ZFHX3: variants seen among roughly 807,000 people sequenced by gnomAD.
ZFHX3 encodes the protein zinc finger homeobox protein 3.
ZFHX3 carries 42 observed loss-of-function variants against 279.1 expected under a neutral mutation model. The ratio of observed to expected loss-of-function variants is 0.15; its 90% confidence interval spans 0.12 to 0.19. The LOEUF (loss-of-function observed/expected upper bound fraction) is 0.19, where lower values mean the gene tolerates loss of function less well. Among genes scored for constraint, ZFHX3 ranks in the 10% least tolerant of loss-of-function variants. The pLI, the probability that ZFHX3 is intolerant of heterozygous loss-of-function variation, is 1.00. For missense variants in ZFHX3, 4,981 were observed against 4,754.0 expected (o/e 1.05, Z -1.40); for synonymous variants, 2,293 against 1,957.8 (o/e 1.17, Z -4.52).
At position 73,627,741 on chromosome 16, in the gene ZFHX3, AC is replaced by A. The variant is rs761212237; in HGVS notation, c.-1547+52438del. 1.2e-4 allele frequency among the ~76,000 whole-genome samples: 18 copies of A among 152,234 alleles called. No individual in the cohort carries two copies. In the South Asian group the frequency reaches 2.9e-3, roughly 25 times the overall value. ...AGACTATCCTGGCTAACATGGTGAA[AC>A]CCTGTCTCTACTAAAAAACACAAAA... On this transcript the variant is annotated intron_variant, in intron 2 of 17. Coordinates refer to the ZFHX3 transcript ENST00000641206.
intron 3 of ZFHX3, among the ~76,000 whole-genome samples, chr16:73,440,818 AC>A (rs1232166523): frequency 6.6e-6 from 1 of 152,214 alleles, no homozygotes; most frequent in Non-Finnish European, 1.5e-5. Flanking sequence ...GTGTATAAAC[AC>A]CACCACTCTG....
At chr16:73,424,812 T>C (rs1313939752) in intron 3 of ZFHX3, among the ~76,000 whole-genome samples, 1 of 149,206 alleles carries the variant, frequency 6.7e-6, no homozygotes, top group African/African-American at 2.5e-5. Flanking sequence ...TAGTATGAAC[T>C]ACTGACTTAA....
intron 7 of ZFHX3, among the ~76,000 whole-genome samples, chr16:72,808,853 G>A (rs1470041655): frequency 6.6e-6 from 1 of 152,212 alleles, no homozygotes; most frequent in East Asian, 1.9e-4. Flanking sequence ...ACTTGACGGA[G>A]GGTCAGTAAC....
chr16:73,846,069 A>T (rs1179787686), intron 1 of ZFHX3, among the ~76,000 whole-genome samples: 1 of 152,172 alleles, frequency 6.6e-6, no homozygotes, highest in Non-Finnish European at 1.5e-5. Flanking sequence ...AAGTGCTGGG[A>T]TTGCAGGCAT....
chr16:73,155,716 G>C (rs191959055), intron 5 of ZFHX3, among the ~76,000 whole-genome samples: 3 of 151,990 alleles, frequency 2.0e-5, no homozygotes, highest in African/African-American at 7.2e-5. Context: ...CCAGCTACTC[G>C]GGAGGCTGAG....
At chr16:73,756,071 T>A (rs770842440) in intron 1 of ZFHX3, among the ~76,000 whole-genome samples, 1 of 152,114 alleles carries the variant, frequency 6.6e-6, no homozygotes, top group Non-Finnish European at 1.5e-5. Context: ...TGGCTGACTT[T>A]CTTTTGTAAG....
At chr16:73,478,039 G>A (rs573924445) in intron 2 of ZFHX3, among the ~76,000 whole-genome samples, 43 of 152,116 alleles carry the variant, frequency 2.8e-4, no homozygotes, top group Admixed American at 7.9e-4. Context: ...TTGGGAGGCC[G>A]AGGCGGGCGG....
chr16:73,062,479 T>A (rs1198315226), upstream of ZFHX3, among the ~76,000 whole-genome samples: 1 of 152,114 alleles, frequency 6.6e-6, no homozygotes, highest in African/African-American at 2.4e-5. Flanking sequence ...AAATATAACA[T>A]AAAAAGGTTG....
chr16:73,150,911 C>T lies in ZFHX3; in HGVS notation c.-1103-7080G>A, dbSNP rs192469054. ...ATCACTGGCACAACTCAAGTGTGCG[C>T]GCAGATAAGAAACATGAATACAGTG... On this transcript the variant is annotated intron_variant, in intron 5 of 17. Coordinates refer to the ZFHX3 transcript ENST00000641206. Among the ~76,000 whole-genome samples, 3 of 152,098 alleles carry T rather than the reference C, an allele frequency of 2.0e-5. No individual in the cohort carries two copies. The East Asian group carries it at 5.8e-4, about 29-fold the overall frequency.
chr16:73,492,011 A>G (rs1175854278), intron 2 of ZFHX3, among the ~76,000 whole-genome samples: 1 of 152,170 alleles, frequency 6.6e-6, no homozygotes, highest in East Asian at 1.9e-4. Context: ...TTTCAGCTGC[A>G]TATTCTTGCT....
intron 4 of ZFHX3, among the ~76,000 whole-genome samples, chr16:72,867,862 C>G (rs938042919): frequency 4.6e-5 from 7 of 152,188 alleles, no homozygotes; most frequent in Non-Finnish European, 1.0e-4. Context: ...AAAGTTCTCA[C>G]CAATCACTGA....
At chr16:73,520,996 T>C (rs1468645495) in intron 2 of ZFHX3, among the ~76,000 whole-genome samples, 1 of 152,158 alleles carries the variant, frequency 6.6e-6, no homozygotes, top group Non-Finnish European at 1.5e-5. Flanking sequence ...TACAAAATAA[T>C]CCTTGGACCC....
chr16:73,160,810 A>C (rs1338686039), intron 5 of ZFHX3, among the ~76,000 whole-genome samples: 2 of 146,858 alleles, frequency 1.4e-5, no homozygotes, highest in Admixed American at 6.8e-5. Flanking sequence ...TTTACAAGAT[A>C]ATTACCGTTT....
At chr16:73,619,519 T>TATATATATATATATATATATAC in intron 2 of ZFHX3, among the ~76,000 whole-genome samples, 1 of 149,376 alleles carries the variant, frequency 6.7e-6, no homozygotes, top group African/African-American at 2.5e-5. Flanking sequence ...TATATATATA[T>TATATATATATATATATATATAC]GTCTGTAAGC....
intron 2 of ZFHX3, chr16:73,499,769 A>C (rs1031773620): frequency 1.2e-4 from 19 of 152,222 alleles, no homozygotes; most frequent in African/African-American, 4.3e-4. Flanking sequence ...TTAAAAATAT[A>C]GTCATGTGCC....
At chr16:73,417,502 G>T (rs779723154) in intron 3 of ZFHX3, among the ~76,000 whole-genome samples, 2 of 149,502 alleles carry the variant, frequency 1.3e-5, no homozygotes, top group Non-Finnish European at 3.0e-5. Context: ...GAGTACCTAG[G>T]ATTCCAAGTA....
At position 72,797,003 on chromosome 16, in the gene ZFHX3, C is replaced by T. The variant is rs2143443167; in HGVS notation, c.5679G>A (p.Arg1893=). The T allele has an allele frequency of 6.2e-7, 1 of 1,613,906 alleles. No individual in the cohort carries two copies. Among genetic ancestry groups the T allele is most frequent in the Non-Finnish European group, 8.5e-7 (1 of 1,179,978 alleles). ...TGCCCTCTCCCCCCTCGGCGCTGTC[C>T]CTCTCTCTCTGGCTTTCTTTTTCCT... ...KEKEKESQRE[R]DSAEGGEGNT... The change falls in exon 9 of 10, where the codon AGG becomes AGA. Residue 1893 remains arginine (R), a synonymous_variant. Coordinates refer to ENST00000268489, the MANE Select transcript of ZFHX3 (RefSeq NM_006885.4).
intron 1 of ZFHX3, among the ~76,000 whole-genome samples, chr16:73,822,396 A>T (rs558628887): frequency 6.6e-6 from 1 of 152,168 alleles, no homozygotes; most frequent in South Asian, 2.1e-4. Context: ...TCCCAAATTC[A>T]CCATGGTCTG....
chr16:73,134,619 C>T (rs1215847169), intron 6 of ZFHX3: 2 of 151,822 alleles, frequency 1.3e-5, no homozygotes, highest in African/African-American at 4.8e-5. Context: ...ACAGGTATGC[C>T]CCACTGCACC....
Sources: allele counts gnomAD v4.1 joint callset (sites outside exome capture counted in the v4.1 genomes callset), GRCh38; gene constraint gnomAD v4.1.1; transcripts MANE v1.5; gene names NCBI Gene and HGNC (gene_info 2026-07-23, HGNC 2026-07-21).